DNAH7: variants seen among roughly 807,000 people sequenced by gnomAD.
DNAH7 encodes axonemal beta dynein heavy chain 7.
In DNAH7, 397 loss-of-function variants were observed where a neutral mutation model predicts 444.6. The ratio of observed to expected loss-of-function variants is 0.89; its 90% CI spans 0.82 to 0.97. The LOEUF (loss-of-function observed/expected upper bound fraction) is 0.97. Ranked by LOEUF, DNAH7 falls within the 50% of genes least tolerant of loss-of-function variation. DNAH7 has a pLI of 0.00. For missense variants in DNAH7, 4,902 were observed against 4,800.8 expected (o/e 1.02, Z -0.62); for synonymous variants, 1,636 against 1,624.4 (o/e 1.01, Z -0.17).
chr2:196,046,106 T>C (rs1010381658), intron 5 of DNAH7, among the ~76,000 whole-genome samples: 1 of 150,778 alleles, frequency 6.6e-6, no homozygotes, highest in Non-Finnish European at 1.5e-5. Flanking sequence ...AAATACTGGA[T>C]AGTATATCAC....
At chr2:195,891,005 A>G (rs1701984642) in intron 31 of DNAH7, among the ~76,000 whole-genome samples, 1 of 152,230 alleles carries the variant, frequency 6.6e-6, no homozygotes, top group South Asian at 2.1e-4. Context: ...GCTCTGCAGA[A>G]CCTGCTAAAA....
At chr2:195,939,116 G>A (rs555063696) in intron 19 of DNAH7, among the ~76,000 whole-genome samples, 1 of 152,186 alleles carries the variant, frequency 6.6e-6, no homozygotes, top group East Asian at 1.9e-4. Flanking sequence ...TGTATTTGAA[G>A]TGACTAATAT....
At chr2:195,909,202 T>C (rs536678555) in intron 25 of DNAH7, among the ~76,000 whole-genome samples, 2 of 151,798 alleles carry the variant, frequency 1.3e-5, no homozygotes, top group South Asian at 4.2e-4. Context: ...AATCTACCCA[T>C]GTAACAAACC....
chr2:195,982,981 A>T (rs1380659385), intron 15 of DNAH7, among the ~76,000 whole-genome samples: 2 of 152,182 alleles, frequency 1.3e-5, no homozygotes, highest in African/African-American at 4.8e-5. Flanking sequence ...AAAGTATGTA[A>T]TTGGATTGTC....
At chr2:195,930,121 G>C (rs574124897) in intron 21 of DNAH7, among the ~76,000 whole-genome samples, 32 of 152,236 alleles carry the variant, frequency 2.1e-4, no homozygotes, top group African/African-American at 7.7e-4. Context: ...AAGACAGGTG[G>C]ATCACGAGGT....
rs1553509774 is a variant in DNAH7, at chr2:195,737,712, G to GTTTTC, written c.*204_*208dup. The GTTTTC allele has an allele frequency of 2.2e-6, 1 of 448,074 alleles. No homozygotes were observed. The highest frequency in any genetic ancestry group is 3.5e-5 in the East Asian group (1 of 28,572). The allele number at this position is 448,074 out of a possible 1,614,324, so 27.8% of individuals were successfully genotyped here. A position where few individuals can be genotyped will look rare whatever the true frequency, so the allele number is the denominator to read the frequency against. ...TCAAAGAGAGCAAATATGCCAGTGT[G>GTTTTC]TTTTCTTTAGTCTTTATTTCAGAAC... is the stretch of plus-strand genomic sequence containing the variant. On this transcript the variant is annotated 3_prime_UTR_variant, in exon 65 of 65. Transcript: ENST00000312428.
rs1701685557 is a variant in DNAH7 at position 195,885,999 on chromosome 2, C to T, written c.5538+142G>A. On this transcript the variant is annotated intron_variant, in intron 34 of 64. Coordinates refer to ENST00000312428, the MANE Select transcript of DNAH7 (RefSeq NM_018897.3). ...CCAGCACTCAGAATTTGGGGCCTGG[C>T]TCTTTGCTCATTCTTCAGCTACCAC... is the stretch of plus-strand genomic sequence containing the variant. 8 of 983,966 alleles carry T rather than the reference C, an allele frequency of 8.1e-6. No homozygotes were observed. In the South Asian group the frequency reaches 1.3e-4, roughly 16 times the overall value. The allele number at this position is 983,966 out of a possible 1,614,324, so 61.0% of individuals were successfully genotyped here.
chr2:195,811,508 G>A (rs75070316), intron 51 of DNAH7, among the ~76,000 whole-genome samples: 4,799 of 152,026 alleles, frequency 0.032, 93 homozygotes, highest in Middle Eastern at 0.054. Flanking sequence ...ATGTCATCAC[G>A]CCAGGCTAAT....
At chr2:195,917,961 A>G (rs1180374975) in intron 24 of DNAH7, among the ~76,000 whole-genome samples, 1 of 152,124 alleles carries the variant, frequency 6.6e-6, no homozygotes, top group Non-Finnish European at 1.5e-5. Context: ...GAGCCACTGC[A>G]CTCAGTCAAA....
chr2:195,832,193 T>C (rs1214212669), intron 48 of DNAH7, among the ~76,000 whole-genome samples: 3 of 152,182 alleles, frequency 2.0e-5, no homozygotes, highest in African/African-American at 2.4e-5. Flanking sequence ...CCCATGGTTA[T>C]GACCCATACT....
chr2:195,960,865 G>A lies in DNAH7; in HGVS notation c.2286C>T (p.Gly762=), dbSNP rs775246936. ...CATAAAGACGAAGATAAGGGTTCAA[G>A]CCATCTTGGATTTTTTTACGTTGAG... The part of the protein sequence containing the change: ...VYPQRKKIQD[G]LNPYLRLYET... The change falls in exon 18 of 65, where the codon GGC becomes GGT. Residue 762 remains glycine, a synonymous_variant. Transcript: ENST00000312428. 10 of 1,613,910 alleles carry A rather than the reference G, an allele frequency of 6.2e-6. No homozygotes were observed. Among genetic ancestry groups the A allele is most frequent in the South Asian group, 1.1e-5 (1 of 91,060 alleles).
intron 63 of DNAH7, among the ~76,000 whole-genome samples, chr2:195,745,917 A>G (rs973939378): frequency 6.6e-6 from 1 of 152,202 alleles, no homozygotes; most frequent in African/African-American, 2.4e-5. Flanking sequence ...AAAGACCATC[A>G]AGGCTAGGAA....
chr2:195,777,101 G>A (rs1695099117), intron 59 of DNAH7, among the ~76,000 whole-genome samples: 1 of 152,116 alleles, frequency 6.6e-6, no homozygotes. Context: ...AGGGTTGGGG[G>A]GTTACAGTAT....
chr2:195,856,785 C>T (rs1484672932), intron 44 of DNAH7, among the ~76,000 whole-genome samples: 1 of 152,148 alleles, frequency 6.6e-6, no homozygotes, highest in African/African-American at 2.4e-5. Context: ...GGGGAGCTCA[C>T]GAGGTCTTCC....
At chr2:195,823,319 C>T (rs1399808100) in intron 49 of DNAH7, among the ~76,000 whole-genome samples, 2 of 152,172 alleles carry the variant, frequency 1.3e-5, no homozygotes, top group African/African-American at 2.4e-5. Flanking sequence ...CAACTCTGAG[C>T]TCCCAGGACA....
At chr2:195,936,169 T>C (rs1689037120) in intron 20 of DNAH7, among the ~76,000 whole-genome samples, 1 of 149,768 alleles carries the variant, frequency 6.7e-6, no homozygotes, top group South Asian at 2.1e-4. Context: ...AGATCAGGAG[T>C]TCAAGACCAG....
Position 195,984,481 on chromosome 2 carries a change from G to A in DNAH7, c.1833+151C>T, listed in dbSNP as rs1159626873. 11 of 692,622 alleles carry A rather than the reference G, an allele frequency of 1.6e-5. No homozygotes were observed. The East Asian group carries it at 3.1e-4, about 20-fold the overall frequency. The allele number at this position is 692,622 out of a possible 1,614,324, so 42.9% of individuals were successfully genotyped here. On this transcript the variant is annotated intron_variant, in intron 15 of 64. Coordinates refer to ENST00000312428, the MANE Select transcript of DNAH7 (RefSeq NM_018897.3). Reference sequence around the variant, plus strand: ...TCCTGCCTCAGCCTCCCGAGTAGCTGGGACTACAGGCGCATGCCACCACAC... The same window carrying A: ...TCCTGCCTCAGCCTCCCGAGTAGCTAGGACTACAGGCGCATGCCACCACAC...
chr2:196,048,226 T>C, intron 4 of DNAH7, 70 bp downstream of exon 4: 1 of 1,377,990 alleles, frequency 7.3e-7, no homozygotes, highest in Non-Finnish European at 1.0e-6. Flanking sequence ...ATTACACTAT[T>C]AACTAAATAT....
intron 19 of DNAH7, among the ~76,000 whole-genome samples, chr2:195,950,238 G>GC (rs965177394): frequency 6.7e-6 from 1 of 149,316 alleles, no homozygotes; most frequent in Non-Finnish European, 1.5e-5. Context: ...CTGGTCCTGG[G>GC]CTTTTTTTTG....
Sources: allele counts gnomAD v4.1 joint callset (sites outside exome capture counted in the v4.1 genomes callset), GRCh38; gene constraint gnomAD v4.1.1; transcripts MANE v1.5; gene names NCBI Gene and HGNC (gene_info 2026-07-23, HGNC 2026-07-21).